MROH1: variants seen among roughly 807,000 people sequenced by gnomAD.
MROH1 encodes maestro heat like repeat family member 1, also known as maestro heat-like repeat-containing protein family member 1.
A neutral mutation model predicts 116.5 loss-of-function variants in MROH1; 117 were observed. The ratio of observed to expected loss-of-function variants is 1.00; its 90% CI spans 0.86 to 1.17. The LOEUF (loss-of-function observed/expected upper bound fraction) is 1.17. Among genes scored for constraint, MROH1 ranks in the 50% most tolerant of loss-of-function variants. MROH1 has a pLI of 0.00. For synonymous variants in MROH1, 921 were observed against 583.9 expected, an observed-to-expected ratio of 1.58 and a Z score of -8.32; for missense variants, 1,873 against 1,338.5, an observed-to-expected ratio of 1.40 and a Z score of -6.23.
intron 7 of MROH1, among the ~76,000 whole-genome samples, chr8:144,184,257 C>T (rs994939581): frequency 2.0e-5 from 3 of 152,132 alleles, no homozygotes; most frequent in African/African-American, 7.2e-5. Flanking sequence ...TGAATGTTTG[C>T]GTCCCAGTCA....
chr8:144,174,479 C>CTTT (rs200035855), intron 4 of MROH1, among the ~76,000 whole-genome samples: 7 of 147,280 alleles, frequency 4.8e-5, no homozygotes, highest in Non-Finnish European at 7.5e-5. Flanking sequence ...AATACATAAC[C>CTTT]TTTTTTTTTT....
intron 14 of MROH1, among the ~76,000 whole-genome samples, chr8:144,236,781 A>G (rs1840109637): frequency 6.6e-6 from 1 of 151,820 alleles, no homozygotes; most frequent in Non-Finnish European, 1.5e-5. Context: ...AAATAAGTAA[A>G]TAAACACTTA....
intron 33 of MROH1, among the ~76,000 whole-genome samples, chr8:144,253,878 G>C (rs2133233116): frequency 6.6e-6 from 1 of 152,046 alleles, no homozygotes; most frequent in African/African-American, 2.4e-5. Context: ...AAGTCTCCTA[G>C]CACCGCATCT....
chr8:144,233,671 C>T (rs1839417080), intron 14 of MROH1, among the ~76,000 whole-genome samples: 3 of 152,204 alleles, frequency 2.0e-5, no homozygotes, highest in South Asian at 4.1e-4. Flanking sequence ...GTGGCGCTGC[C>T]AGAATTTCAC....
chr8:144,219,396 G>A (rs1244446387), intron 12 of MROH1, among the ~76,000 whole-genome samples: 1 of 152,130 alleles, frequency 6.6e-6, no homozygotes, highest in African/African-American at 2.4e-5. Context: ...GGGCTCAAGT[G>A]ATCTGCCCAC....
Position 144,233,905 on chromosome 8 carries a change from A to G in MROH1, c.1339-4851A>G, listed in dbSNP as rs1588390095. 2.6e-5 allele frequency among the ~76,000 whole-genome samples: 4 copies of G among 152,194 alleles called. No homozygotes were observed. In the South Asian group the frequency reaches 8.3e-4, roughly 32 times the overall value. ...TTGGGTCCCTTGAATTCCCATGTGA[A>G]TTTATTTTAGCATCCGCTTGTCAAT... On this transcript the variant is annotated intron_variant, in intron 14 of 43. Coordinates refer to ENST00000326134, the MANE Select transcript of MROH1 (RefSeq NM_032450.3).
chr8:144,171,080 G>A lies in MROH1; in HGVS notation c.168+2640G>A, dbSNP rs545943052. Among the ~76,000 whole-genome samples the A allele has an allele frequency of 3.3e-5, 5 of 152,328 alleles. No individual in the cohort carries two copies. The South Asian group carries it at 1.0e-3, about 32-fold the overall frequency. On this transcript the variant is annotated intron_variant, in intron 4 of 43. Transcript: ENST00000326134. ...GTCAGTTGTGCAGTGGACACCAGCTGGGTGTCCTCAATTCAATCCCAACAC... is the reference window on the plus strand; with the variant it reads ...GTCAGTTGTGCAGTGGACACCAGCTAGGTGTCCTCAATTCAATCCCAACAC...
At chr8:144,188,821 C>T (rs1159970549) in intron 7 of MROH1, among the ~76,000 whole-genome samples, 1 of 152,126 alleles carries the variant, frequency 6.6e-6, no homozygotes, top group Non-Finnish European at 1.5e-5. Flanking sequence ...AATAACTCGT[C>T]CCAGGCCATA....
At chr8:144,249,652 G>A (rs1051230002) in intron 32 of MROH1, among the ~76,000 whole-genome samples, 8 of 152,206 alleles carry the variant, frequency 5.3e-5, no homozygotes, top group African/African-American at 1.2e-4. Context: ...CGTTTCCCCC[G>A]CGTTCCGTTC....
At chr8:144,185,553 G>C (rs941498435) in intron 7 of MROH1, among the ~76,000 whole-genome samples, 7 of 136,492 alleles carry the variant, frequency 5.1e-5, no homozygotes, top group African/African-American at 8.6e-5. Flanking sequence ...CATGGGGACC[G>C]TGAGAGGGGC....
chr8:144,231,873 C>T (rs1331467809), intron 14 of MROH1, among the ~76,000 whole-genome samples: 1 of 152,106 alleles, frequency 6.6e-6, no homozygotes, highest in Non-Finnish European at 1.5e-5. Flanking sequence ...ACGTCACGCC[C>T]GAAATGGGCT....
intron 10 of MROH1, 64 bp downstream of exon 10, chr8:144,192,465 A>C: frequency 7.0e-7 from 1 of 1,435,454 alleles, no homozygotes; most frequent in Non-Finnish European, 9.5e-7. Context: ...AAGTTGCTGG[A>C]CAAGGGGTGC....
intron 34 of MROH1, 92 bp from the exon 35 acceptor site, chr8:144,255,417 C>G: frequency 2.8e-6 from 2 of 710,482 alleles, no homozygotes; most frequent in Non-Finnish European, 5.3e-6. Context: ...GCACATGATG[C>G]AGGCGAAGGG....
chr8:144,243,791 G>T, intron 25 of MROH1, 72 bp from the exon 26 acceptor site: 1 of 745,302 alleles, frequency 1.3e-6, no homozygotes, highest in East Asian at 2.6e-5. Context: ...CTTAGGCTGG[G>T]GGACAGAGCT....
intron 13 of MROH1, among the ~76,000 whole-genome samples, chr8:144,221,999 T>C (rs946563178): frequency 6.6e-6 from 1 of 152,132 alleles, no homozygotes; most frequent in Admixed American, 6.5e-5. Context: ...TCACCAGGCA[T>C]GGTTACTGGG....
At chr8:144,155,331 A>G (rs1817776274) in intron 1 of MROH1, among the ~76,000 whole-genome samples, 1 of 152,176 alleles carries the variant, frequency 6.6e-6, no homozygotes, top group African/African-American at 2.4e-5. Context: ...GTGTGCATAT[A>G]TATTTTGATA....
chr8:144,244,174 A>G (rs1245276801), intron 26 of MROH1, 48 bp from the exon 27 acceptor site: 6 of 712,842 alleles, frequency 8.4e-6, no homozygotes, highest in Non-Finnish European at 1.6e-5. Flanking sequence ...TGGGTGTCTG[A>G]GTTTCAGCCT....
At position 144,172,904 on chromosome 8, in the gene MROH1, T is replaced by G. The variant is rs1822860889; in HGVS notation, c.168+4464T>G. Among the ~76,000 whole-genome samples, 2 of 152,132 alleles carry G rather than the reference T, an allele frequency of 1.3e-5. 1 individual carries two copies. The highest frequency in any genetic ancestry group is 1.3e-4 in the Admixed American group (2 of 15,254). ...TAACCTGACCATCTTGGGTGTACTTTCTCAGATGTTCCCTGGGCCGTGGTC... is the reference window on the plus strand; with the variant it reads ...TAACCTGACCATCTTGGGTGTACTTGCTCAGATGTTCCCTGGGCCGTGGTC... On this transcript the variant is annotated intron_variant, in intron 4 of 43. Coordinates refer to ENST00000326134, the MANE Select transcript of MROH1 (RefSeq NM_032450.3).
chr8:144,199,604 T>G (rs1588107036), intron 11 of MROH1, among the ~76,000 whole-genome samples: 3 of 151,882 alleles, frequency 2.0e-5, no homozygotes, highest in Admixed American at 6.6e-5. Flanking sequence ...CACCTGGAGG[T>G]GCCATGCATC....
Sources: allele counts gnomAD v4.1 joint callset (sites outside exome capture counted in the v4.1 genomes callset), GRCh38; gene constraint gnomAD v4.1.1; transcripts MANE v1.5; gene names NCBI Gene and HGNC (gene_info 2026-07-23, HGNC 2026-07-21).